The following WBP2NL variants were observed in gnomAD, a reference collection of about 807,000 sequenced individuals.
The protein encoded by WBP2NL is WBP2 N-terminal like.
In WBP2NL, 27 loss-of-function variants were observed where a neutral mutation model predicts 23.3. The ratio of observed to expected loss-of-function variants is 1.16; its 90% CI spans 0.85 to 1.60. The LOEUF (loss-of-function observed/expected upper bound fraction) is 1.60. WBP2NL is among the 40% of genes most tolerant of loss of function. WBP2NL has a pLI of 0.00. For synonymous variants in WBP2NL, 151 were observed against 145.9 expected, an observed-to-expected ratio of 1.03 and a Z score of -0.25; for missense variants, 370 against 389.5, an observed-to-expected ratio of 0.95 and a Z score of 0.42.
intron 1 of WBP2NL, among the ~76,000 whole-genome samples, chr22:42,013,524 G>A (rs1447314547): frequency 1.3e-5 from 2 of 152,196 alleles, no homozygotes; most frequent in African/African-American, 4.8e-5. Context: ...TATAATGCAT[G>A]TCAGTGTGGA....
chr22:42,024,803 CTT>C lies in WBP2NL; in HGVS notation c.515-1947_515-1946del, dbSNP rs133345. On this transcript the variant is annotated intron_variant, in intron 5 of 5. Transcript: ENST00000328823. Reference sequence around the variant, plus strand: ...TTTTCTTTCACATTCTTGATAATGACTTTTTTTTTTTTTTTTTGAGACAAAGT... The same window carrying C: ...TTTTCTTTCACATTCTTGATAATGACTTTTTTTTTTTTTTTGAGACAAAGT... 4.3e-3 allele frequency among the ~76,000 whole-genome samples: 538 copies of C among 124,862 alleles called. 1 individual carries two copies. The highest frequency in any genetic ancestry group is 0.011 in the African/African-American group (367 of 34,598). 81.9% of individuals were successfully genotyped at this position (124,862 alleles called of 152,430 possible). A position where few individuals can be genotyped will look rare whatever the true frequency, so the allele number is the denominator to read the frequency against.
chr22:42,034,431 G>GA (rs947257095), downstream of WBP2NL, among the ~76,000 whole-genome samples: 54 of 152,338 alleles, frequency 3.5e-4, no homozygotes, highest in South Asian at 1.2e-3. Flanking sequence ...TTCAAAAGGG[G>GA]AGGGAGTGTG....
At chr22:42,033,262 C>T (rs1299091183), downstream of WBP2NL, among the ~76,000 whole-genome samples, 2 of 152,218 alleles carry the variant, frequency 1.3e-5, no homozygotes, top group Non-Finnish European at 2.9e-5. Context: ...GCAGCTTCCA[C>T]AGCTGGCACC....
chr22:41,998,905 C>T lies in WBP2NL; in HGVS notation c.62+25C>T, dbSNP rs750900022. On this transcript the variant is annotated intron_variant, in intron 1 of 5. Coordinates refer to ENST00000328823, the MANE Select transcript of WBP2NL (RefSeq NM_152613.3). ...GGTGCCTGAGGGGAAGCACGGCGTG[C>T]TGTCGGAGGAGAGGAGACGAATGAG... 1.9e-6 allele frequency: 3 copies of T among 1,602,376 alleles called. No homozygotes were observed. In the South Asian group the frequency reaches 3.3e-5, roughly 18 times the overall value.
chr22:42,000,257 T>C (rs896439825), intron 1 of WBP2NL, among the ~76,000 whole-genome samples: 2 of 152,182 alleles, frequency 1.3e-5, no homozygotes, highest in African/African-American at 4.8e-5. Context: ...GACAGATTTA[T>C]ATGGGCCTTA....
At chr22:42,006,019 A>T (rs186119779) in intron 1 of WBP2NL, among the ~76,000 whole-genome samples, 1 of 152,324 alleles carries the variant, frequency 6.6e-6, no homozygotes, top group African/African-American at 2.4e-5. Flanking sequence ...GAATGGTAAC[A>T]TCTGCTTTGT....
rs759783729 is a variant in WBP2NL, at chr22:42,027,063, C to G, written c.812C>G (p.Ala271Gly). ...APPAGNEGPP[A>G]GYRASPAGSG... is the part of the protein sequence containing the mutation. ...CCTGCAGGAAATGAAGGCCCGCCTG[C>G]GGGATACAGAGCCTCACCTGCTGGA... Residue 271 changes from alanine to glycine, a missense_variant, in exon 6 of 6, where the codon GCG becomes GGG. Transcript: ENST00000328823. The G allele has an allele frequency of 6.2e-7, 1 of 1,613,654 alleles. No homozygotes were observed. The highest frequency in any genetic ancestry group is 1.1e-5 in the South Asian group (1 of 91,046).
At chr22:42,034,544 C>T (rs933947231), downstream of WBP2NL, among the ~76,000 whole-genome samples, 2 of 152,208 alleles carry the variant, frequency 1.3e-5, no homozygotes, top group Non-Finnish European at 2.9e-5. Context: ...AAGTTTCAGG[C>T]ACCATTGTCA....
chr22:42,005,114 GGC>G (rs899305984), intron 1 of WBP2NL, among the ~76,000 whole-genome samples: 14 of 152,080 alleles, frequency 9.2e-5, no homozygotes, highest in Non-Finnish European at 2.9e-5. Flanking sequence ...CTACTCAGGA[GGC>G]TGAGGCAGGA....
Position 42,019,348 on chromosome 22 carries a change from C to T in WBP2NL, c.100C>T (p.Pro34Ser). 6.2e-7 allele frequency: 1 copy of T among 1,614,114 alleles called. No homozygotes were observed. The highest frequency in any genetic ancestry group is 8.5e-7 in the Non-Finnish European group (1 of 1,180,028). ...KRSPNVELSF[P>S]QRSEGSNVFS... ...GTCTCCGAATGTGGAGCTCTCCTTC[C>T]CACAGCGATCAGAAGGCTCAAATGT... Residue 34 changes from proline to serine, a missense_variant, in exon 2 of 6, where the codon CCA becomes TCA. Transcript: ENST00000328823.
At position 42,028,339 on chromosome 22, in the gene WBP2NL, A is replaced by G. The variant is rs2146804393; in HGVS notation, c.*1158A>G. The G allele has an allele frequency of 3.1e-6, 1 of 324,958 alleles. No homozygotes were observed. The highest frequency in any genetic ancestry group is 4.8e-5 in the East Asian group (1 of 20,958). The allele number at this position is 324,958 out of a possible 1,614,324, so 20.1% of individuals were successfully genotyped here. Reference sequence around the variant, plus strand: ...TTATAACAAACGTTTATATTTGTATATTTATAACAAATATTTTGTAATGTC... The same window carrying G: ...TTATAACAAACGTTTATATTTGTATGTTTATAACAAATATTTTGTAATGTC... On this transcript the variant is annotated 3_prime_UTR_variant, in exon 6 of 6. Transcript: ENST00000328823.
intron 1 of WBP2NL, among the ~76,000 whole-genome samples, chr22:42,006,834 T>C (rs1180994265): frequency 2.0e-5 from 3 of 152,252 alleles, no homozygotes; most frequent in African/African-American, 7.2e-5. Flanking sequence ...TGCTGTGTTT[T>C]GTAGAGATTT....
At chr22:42,015,895 C>T (rs983209163) in intron 1 of WBP2NL, among the ~76,000 whole-genome samples, 1 of 152,172 alleles carries the variant, frequency 6.6e-6, no homozygotes, top group African/African-American at 2.4e-5. Context: ...CATTGCTCAT[C>T]CTTTCCTTTA....
Position 42,027,708 on chromosome 22 carries a change from AACC to A in WBP2NL, c.*529_*531del, listed in dbSNP as rs1924641188. The A allele has an allele frequency of 2.9e-6, 1 of 342,068 alleles. No individual in the cohort carries two copies. The highest frequency in any genetic ancestry group is 2.1e-5 in the African/African-American group (1 of 47,538). The allele number at this position is 342,068 out of a possible 1,614,324, so 21.2% of individuals were successfully genotyped here. ...AGAAAGCCTTCTTTGAGGAGACCAA[AACC>A]AACAAATAAAAGCATGATAAATTGA... On this transcript the variant is annotated 3_prime_UTR_variant, in exon 6 of 6. Coordinates refer to ENST00000328823, the MANE Select transcript of WBP2NL (RefSeq NM_152613.3).
intron 8 of WBP2NL, among the ~76,000 whole-genome samples, chr22:42,041,589 C>G (rs1602478205): frequency 6.6e-6 from 1 of 151,562 alleles, no homozygotes; most frequent in East Asian, 1.9e-4. Flanking sequence ...ATCCCTTCAC[C>G]TTTAGTCTGA....
At chr22:42,001,032 A>C in intron 1 of WBP2NL, 1 of 701,696 alleles carries the variant, frequency 1.4e-6, no homozygotes, top group Admixed American at 2.2e-5. Flanking sequence ...ATAATACAAC[A>C]TGCCTGTTCA....
At chr22:42,040,635 C>T (rs1010518735) in intron 8 of WBP2NL, among the ~76,000 whole-genome samples, 2 of 152,202 alleles carry the variant, frequency 1.3e-5, no homozygotes, top group Non-Finnish European at 2.9e-5. Flanking sequence ...ATTTTTGTCT[C>T]AAGATATTTT....
At chr22:42,040,353 G>A (rs2146815948) in intron 8 of WBP2NL, among the ~76,000 whole-genome samples, 2 of 152,100 alleles carry the variant, frequency 1.3e-5, no homozygotes, top group South Asian at 4.2e-4. Flanking sequence ...CTCCTGAGTA[G>A]CTGGGATTAT....
intron 8 of WBP2NL, among the ~76,000 whole-genome samples, chr22:42,040,653 T>A (rs1925368030): frequency 6.6e-6 from 1 of 152,274 alleles, no homozygotes; most frequent in Admixed American, 6.5e-5. Context: ...TTTAAAATTC[T>A]CTCTGGATTT....
Sources: gnomAD v4.1 joint callset for allele counts (sites outside exome capture counted in the v4.1 genomes callset) on GRCh38, gnomAD v4.1.1 for gene constraint, MANE v1.5 for transcripts, NCBI Gene and HGNC (gene_info 2026-07-23, HGNC 2026-07-21) for gene names.